Variants in FLNB observed in about 807,000 individuals in gnomAD.
FLNB encodes filamin B.
FLNB carries 111 observed loss-of-function variants against 250.6 expected under a neutral mutation model. That is an observed-to-expected ratio of 0.44 (90% CI 0.38 to 0.52). The LOEUF (loss-of-function observed/expected upper bound fraction) is 0.52, where lower values mean the gene tolerates loss of function less well. Among genes scored for constraint, FLNB ranks in the 20% least tolerant of loss-of-function variants. The pLI is 0.00. For synonymous variants in FLNB, 1,302 were observed against 1,372.1 expected, an observed-to-expected ratio of 0.95 and a Z score of 1.13; for missense variants, 2,869 against 3,447.8, an observed-to-expected ratio of 0.83 and a Z score of 4.20.
chr3:58,163,706 AC>A (rs907777916), intron 43 of FLNB: 9 of 269,380 alleles, frequency 3.3e-5, no homozygotes, highest in South Asian at 4.5e-5. Flanking sequence ...GTGGGCTCCT[AC>A]CCGTCTGTTC....
In FLNB at chr3:58,123,254, C is replaced by T. The variant is rs77934864; in HGVS notation, c.3288C>T (p.Ser1096=). 1,760 of 1,614,160 alleles carry T rather than the reference C, an allele frequency of 1.1e-3. 1 individual carries two copies. The highest frequency in any genetic ancestry group is 1.4e-3 in the Non-Finnish European group (1,602 of 1,180,024). The part of the protein sequence containing the change: ...ECSDNGDGTC[S]VSYLPTKPGE... ...CCGACAATGGTGATGGGACCTGCTC[C>T]GTCTCTTACCTTCCCACAAAACCCG... Residue 1096 remains serine, a synonymous_variant, in exon 21 of 46, where the codon TCC becomes TCT. Coordinates refer to ENST00000295956, the MANE Select transcript of FLNB (RefSeq NM_001457.4).
intron 1 of FLNB, among the ~76,000 whole-genome samples, chr3:58,025,797 G>A (rs1294862212): frequency 6.6e-6 from 1 of 152,304 alleles, no homozygotes; most frequent in Non-Finnish European, 1.5e-5. Context: ...GTGGTAGTGT[G>A]TGCCTTTAAT....
In FLNB at chr3:58,153,390, ATATGTCGGCC is replaced by A. The variant is rs1171989693; in HGVS notation, c.6384_6393del (p.Met2129ThrfsTer9). 6.2e-7 allele frequency: 1 copy of A among 1,614,172 alleles called. No individual in the cohort carries two copies. The highest frequency in any genetic ancestry group is 8.5e-7 in the Non-Finnish European group (1 of 1,180,032). ...CCTCTTTCAGAAATCAACAGCAGTG[ATATGTCGGCC>A]CACGTCACCAGCCCCTCTGGCCGTG... On this transcript the variant is annotated frameshift_variant, in exon 39 of 46. Transcript: ENST00000295956. LOFTEE classifies it high-confidence loss of function.
chr3:58,097,025 G>A (rs1238150829), intron 6 of FLNB, among the ~76,000 whole-genome samples: 1 of 152,154 alleles, frequency 6.6e-6, no homozygotes, highest in Non-Finnish European at 1.5e-5. Context: ...TGACCTATAG[G>A]GCAAGGGCTG....
At chr3:58,014,453 C>T (rs555273198) in intron 1 of FLNB, among the ~76,000 whole-genome samples, 1 of 152,352 alleles carries the variant, frequency 6.6e-6, no homozygotes, top group South Asian at 2.1e-4. Flanking sequence ...GGTGGTTGGG[C>T]CTCTGTGGAG....
At chr3:58,062,571 C>T (rs1028411104) in intron 1 of FLNB, among the ~76,000 whole-genome samples, 5 of 152,264 alleles carry the variant, frequency 3.3e-5, no homozygotes, top group East Asian at 1.9e-4. Context: ...ATTGAATTTA[C>T]GGACCTTGTG....
Position 58,105,111 on chromosome 3 carries a change from G to C in FLNB, c.1642G>C (p.Gly548Arg). ...TGAAGTTCAAGTTGGCCCTGAAGCG[G>C]GTATGCAGAAAGTCCGTGCTTGGGG... ...PFEVQVGPEA[G>R]MQKVRAWGPG... The change falls in exon 11 of 46, where the codon GGT becomes CGT. Residue 548 changes from glycine to arginine, a missense_variant. Gly to Arg is a moderately radical substitution (Grantham distance 125). This residue lies in a region of FLNB where 1,348 missense variants were observed against 1,466.7 expected (regional missense o/e 0.92). Coordinates refer to ENST00000295956, the MANE Select transcript of FLNB (RefSeq NM_001457.4). 2 of 1,614,232 alleles carry C rather than the reference G, an allele frequency of 1.2e-6. No homozygotes were observed. The highest frequency in any genetic ancestry group is 1.7e-6 in the Non-Finnish European group (2 of 1,180,040).
chr3:58,150,646 G>A (rs554839410), intron 38 of FLNB: 2 of 290,352 alleles, frequency 6.9e-6, no homozygotes, highest in Admixed American at 4.8e-5. Flanking sequence ...ATTAGAACGA[G>A]GGCTGTGCTG....
intron 1 of FLNB, among the ~76,000 whole-genome samples, chr3:58,056,928 C>G (rs983559938): frequency 6.6e-6 from 1 of 152,098 alleles, no homozygotes; most frequent in African/African-American, 2.4e-5. Flanking sequence ...AATTTCTCAG[C>G]AATCAGTGTA....
In FLNB at chr3:58,134,591, G is replaced by GGT. The variant is rs151085835; in HGVS notation, c.4515-10_4515-9dup. The GGT allele has an allele frequency of 9.1e-5, 142 of 1,562,430 alleles. No individual in the cohort carries two copies. The highest frequency in any genetic ancestry group is 1.5e-4 in the African/African-American group (11 of 73,680). ...GTTGACATGTATCTTTATTGACTAG[G>GGT]GTGTGTGTGTGTGTGTCTATCAAGT... On this transcript the variant is annotated intron_variant, in intron 26 of 45. Transcript: ENST00000295956.
chr3:58,026,446 G>C (rs1175850911), intron 1 of FLNB, among the ~76,000 whole-genome samples: 1 of 152,170 alleles, frequency 6.6e-6, no homozygotes, highest in African/African-American at 2.4e-5. Context: ...ATCCAACTTG[G>C]TGTCATGGAG....
rs377313135 is a variant in FLNB, at chr3:58,143,465, C to T, written c.5285-8C>T. On this transcript the variant is annotated splice_polypyrimidine_tract_variant and splice_region_variant and intron_variant, in intron 31 of 45. Transcript: ENST00000295956. ...GGCTTCATTGCCCCGTCTCTCTGTG[C>T]TCCATAGGAGAGGTCCACATGCCTT... The T allele has an allele frequency of 8.7e-6, 14 of 1,614,008 alleles. No homozygotes were observed. The African/African-American group carries it at 1.9e-4, about 22-fold the overall frequency.
intron 18 of FLNB, among the ~76,000 whole-genome samples, chr3:58,114,547 A>C (rs34349120): frequency 0.49 from 74,062 of 151,712 alleles, 20,984 homozygotes; most frequent in East Asian, 0.97. Context: ...TGTGATTATA[A>C]ACCCGAAATG....
Position 58,154,795 on chromosome 3 carries a change from G to A in FLNB, c.6639G>A (p.Glu2213=), listed in dbSNP as rs1211057319. The change falls in exon 40 of 46, where the codon GAG becomes GAA. Residue 2213 remains glutamate, a synonymous_variant. Coordinates refer to ENST00000295956, the MANE Select transcript of FLNB (RefSeq NM_001457.4). Reference sequence around the variant, plus strand: ...CAGGTTTCTCTTTGCTCTCAGCTGAGTTCAGCATTTGGACCCGGGAAGCAG... The same window carrying A: ...CAGGTTTCTCTTTGCTCTCAGCTGAATTCAGCATTTGGACCCGGGAAGCAG... ...LERGEAGVPA[E]FSIWTREAGA... The A allele has an allele frequency of 6.2e-7, 1 of 1,614,050 alleles. No individual in the cohort carries two copies. Among genetic ancestry groups the A allele is most frequent in the Non-Finnish European group, 8.5e-7 (1 of 1,180,012 alleles).
chr3:58,057,228 G>A (rs1170176462), intron 1 of FLNB, among the ~76,000 whole-genome samples: 1 of 152,058 alleles, frequency 6.6e-6, no homozygotes, highest in Non-Finnish European at 1.5e-5. Flanking sequence ...CACCCACTTT[G>A]GCCTCCCAAC....
intron 1 of FLNB, among the ~76,000 whole-genome samples, chr3:58,068,049 T>C (rs552352466): frequency 6.6e-6 from 1 of 152,310 alleles, no homozygotes; most frequent in South Asian, 2.1e-4. Flanking sequence ...CTGTCTGGGC[T>C]CCTGGCTGGC....
At position 58,146,924 on chromosome 3, in the gene FLNB, G is replaced by A. The variant is rs1253344663; in HGVS notation, c.5659G>A (p.Asp1887Asn). 4.3e-6 allele frequency: 7 copies of A among 1,614,044 alleles called. No homozygotes were observed. The highest frequency in any genetic ancestry group is 2.2e-5 in the East Asian group (1 of 44,898). ...GACCTACCTGCCGACTCTGCCAGGCGACTACAGCATTCTGGTCAAGTACAA... is the reference window on the plus strand; with the variant it reads ...GACCTACCTGCCGACTCTGCCAGGCAACTACAGCATTCTGGTCAAGTACAA... Reference protein sequence around the residue: ...TVTYLPTLPGDYSILVKYNDK... With the variant: ...TVTYLPTLPGNYSILVKYNDK... Residue 1887 changes from aspartate (D) to asparagine (N), a missense_variant, in exon 34 of 46, where the codon GAC becomes AAC. Coordinates refer to ENST00000295956, the MANE Select transcript of FLNB (RefSeq NM_001457.4).
intron 1 of FLNB, among the ~76,000 whole-genome samples, chr3:58,011,076 G>A (rs181365550): frequency 1.3e-5 from 2 of 152,162 alleles, no homozygotes; most frequent in East Asian, 1.9e-4. Context: ...CACCACGCCC[G>A]GCTAATTTTT....
intron 44 of FLNB, 178 bp downstream of exon 44, chr3:58,168,836 A>G (rs1272260505): frequency 4.5e-6 from 3 of 661,046 alleles, no homozygotes; most frequent in East Asian, 2.8e-5. Context: ...AAGTCCACAG[A>G]GTGGAGCCGT....
Sources: allele counts gnomAD v4.1 joint callset (sites outside exome capture counted in the v4.1 genomes callset), GRCh38; gene constraint gnomAD v4.1.1; regional missense constraint gnomAD v4.1.1; transcripts MANE v1.5; gene names NCBI Gene and HGNC (gene_info 2026-07-23, HGNC 2026-07-21).